FOXK1: variants seen among roughly 807,000 people sequenced by gnomAD.
FOXK1 encodes the protein forkhead box protein K1.
In FOXK1, 19 loss-of-function variants were observed where a neutral mutation model predicts 51.9. The ratio of observed to expected loss-of-function variants is 0.37; its 90% confidence interval spans 0.26 to 0.54. The LOEUF is 0.54. FOXK1 is among the 20% of genes least tolerant of loss of function. The pLI, the probability that FOXK1 is intolerant of heterozygous loss-of-function variation, is 0.87. For missense variants in FOXK1, 870 were observed against 1,032.7 expected (o/e 0.84, Z 2.16); for synonymous variants, 537 against 482.6 (o/e 1.11, Z -1.48).
intron 1 of FOXK1, among the ~76,000 whole-genome samples, chr7:4,739,482 A>G (rs1780603065): frequency 6.6e-6 from 1 of 152,244 alleles, no homozygotes; most frequent in African/African-American, 2.4e-5. Flanking sequence ...TCATCAGTTT[A>G]GAAATTGAAA....
intron 1 of FOXK1, among the ~76,000 whole-genome samples, chr7:4,696,928 C>T (rs894065887): frequency 1.3e-5 from 2 of 152,118 alleles, no homozygotes; most frequent in Non-Finnish European, 2.9e-5. Context: ...ATTAGCCAGG[C>T]ATGGTGGTGT....
intron 2 of FOXK1, among the ~76,000 whole-genome samples, chr7:4,746,477 C>A (rs1474659632): frequency 6.6e-6 from 1 of 151,602 alleles, no homozygotes; most frequent in Admixed American, 6.6e-5. Flanking sequence ...GCCAGGAGTT[C>A]CAGACAAGCC....
rs982260327 is a variant in FOXK1 at position 4,703,409 on chromosome 7, A to G, written c.560+20541A>G. 2.0e-5 allele frequency among the ~76,000 whole-genome samples: 3 copies of G among 152,156 alleles called. No individual in the cohort carries two copies. The highest frequency in any genetic ancestry group is 7.2e-5 in the African/African-American group (3 of 41,430). ...ACTCGCTGAAGTTCGTGGCCCCAAGACATGCGGAGAACCCGCGTCTGCAGG... is the reference window on the plus strand; with the variant it reads ...ACTCGCTGAAGTTCGTGGCCCCAAGGCATGCGGAGAACCCGCGTCTGCAGG... On this transcript the variant is annotated intron_variant, in intron 1 of 8. Coordinates refer to ENST00000328914, the MANE Select transcript of FOXK1 (RefSeq NM_001037165.2). This position sits in a 1 kb window ranked among gnomAD's most constrained non-coding sequence, Gnocchi z 5.6.
At chr7:4,702,873 G>T (rs1780037773) in intron 1 of FOXK1, among the ~76,000 whole-genome samples, 1 of 152,158 alleles carries the variant, frequency 6.6e-6, no homozygotes. Flanking sequence ...CTGACCAGAG[G>T]GGATGGAAGC....
At chr7:4,754,944 T>C in intron 3 of FOXK1, 2 of 558,040 alleles carry the variant, frequency 3.6e-6, no homozygotes, top group Non-Finnish European at 6.4e-6. Context: ...CCTTATAACT[T>C]TGTCTTAGTT....
At chr7:4,705,991 T>TATATAC (rs1780090817) in intron 1 of FOXK1, among the ~76,000 whole-genome samples, 2 of 100,530 alleles carry the variant, frequency 2.0e-5, no homozygotes, top group African/African-American at 1.5e-4. Flanking sequence ...TACGTATATA[T>TATATAC]ACGTATATAT....
At chr7:4,696,823 T>G (rs1478161206) in intron 1 of FOXK1, among the ~76,000 whole-genome samples, 1 of 152,140 alleles carries the variant, frequency 6.6e-6, no homozygotes, top group African/African-American at 2.4e-5. Flanking sequence ...ATCCTAACAC[T>G]TTGGGAGGCT....
chr7:4,754,537 C>G lies in FOXK1; in HGVS notation c.825C>G (p.Asp275Glu), dbSNP rs781575882. The change falls in exon 3 of 9, where the codon GAC becomes GAG. Residue 275 changes from aspartate (D) to glutamate (E), a missense_variant. Asp to Glu is a conservative substitution (Grantham distance 45). Around this residue, in one of 3 missense-constraint regions of FOXK1, gnomAD observed 399 missense variants for 475.6 expected, o/e 0.84. Transcript: ENST00000328914. ...SYRFVQNVTS[D>E]LQLAAEFAAK... ...GCTTTGTGCAGAACGTGACCTCGGA[C>G]CTGCAGCTGGCAGCAGAGTTTGCAG... is the stretch of plus-strand genomic sequence containing the variant. The G allele has an allele frequency of 3.2e-5, 52 of 1,611,950 alleles. No individual in the cohort carries two copies. The highest frequency in any genetic ancestry group is 3.8e-5 in the Non-Finnish European group (45 of 1,180,040).
intron 2 of FOXK1, among the ~76,000 whole-genome samples, chr7:4,750,908 C>T (rs763430507): frequency 2.0e-5 from 3 of 151,774 alleles, no homozygotes; most frequent in African/African-American, 2.4e-5. Flanking sequence ...TTCTCTAAAT[C>T]GGGCAGGCTG....
At position 4,753,456 on chromosome 7, in the gene FOXK1, C is replaced by T. The variant is rs1780804370; in HGVS notation, c.747-1003C>T. ...GGATGGTTCTGGGTGGCCTGCAGGGCAGTGCAGCAGGGAGCATCCTACCCG... is the reference window on the plus strand; with the variant it reads ...GGATGGTTCTGGGTGGCCTGCAGGGTAGTGCAGCAGGGAGCATCCTACCCG... On this transcript the variant is annotated intron_variant, in intron 2 of 8. Coordinates refer to ENST00000328914, the MANE Select transcript of FOXK1 (RefSeq NM_001037165.2). This position sits in a 1 kb window ranked among gnomAD's most constrained non-coding sequence, Gnocchi z 4.9. 6.6e-6 allele frequency among the ~76,000 whole-genome samples: 1 copy of T among 151,946 alleles called. No homozygotes were observed. The highest frequency in any genetic ancestry group is 1.5e-5 in the Non-Finnish European group (1 of 67,974).
At position 4,748,996 on chromosome 7, in the gene FOXK1, C is replaced by T. The variant is rs1425452577; in HGVS notation, c.747-5463C>T. On this transcript the variant is annotated intron_variant, in intron 2 of 8. Coordinates refer to ENST00000328914, the MANE Select transcript of FOXK1 (RefSeq NM_001037165.2). This position sits in a 1 kb window ranked among gnomAD's most constrained non-coding sequence, Gnocchi z 4.9. The stretch of plus-strand genomic sequence containing the variant: ...GCCTGGACCCCCAGGTTCCTGTCCA[C>T]GCTTCTGGGACTGGCTGTGCCTGGC... Among the ~76,000 whole-genome samples the T allele has an allele frequency of 6.6e-6, 1 of 152,212 alleles. No individual in the cohort carries two copies. The highest frequency in any genetic ancestry group is 2.4e-5 in the African/African-American group (1 of 41,472).
chr7:4,743,549 C>T lies in FOXK1; in HGVS notation c.746+2526C>T, dbSNP rs1363873898. On this transcript the variant is annotated intron_variant, in intron 2 of 8. Coordinates refer to ENST00000328914, the MANE Select transcript of FOXK1 (RefSeq NM_001037165.2). The surrounding 1 kb of genome is among the most constrained non-coding windows in gnomAD (Gnocchi z 5.3). ...CGGGCGATAGAGCGAGACTCCATTT[C>T]TCAGTAAATAAATAAATGGTGAATT... Among the ~76,000 whole-genome samples the T allele has an allele frequency of 6.6e-6, 1 of 152,196 alleles. No individual in the cohort carries two copies. Among genetic ancestry groups the T allele is most frequent in the Non-Finnish European group, 1.5e-5 (1 of 68,042 alleles).
chr7:4,751,359 G>C (rs756802954), intron 2 of FOXK1, among the ~76,000 whole-genome samples: 1 of 152,052 alleles, frequency 6.6e-6, no homozygotes, highest in African/African-American at 2.4e-5. Context: ...ATTTTCTTTA[G>C]ATTGCTAAGG....
In FOXK1 at chr7:4,755,614, C is replaced by T. The variant is rs1416706492; in HGVS notation, c.1050+231C>T. Among the ~76,000 whole-genome samples, 2 of 152,076 alleles carry T rather than the reference C, an allele frequency of 1.3e-5. No homozygotes were observed. ...GAGTGTGGTGGTGCACACCTGTGGT[C>T]GCAGCTACTCGGAGGCTGAGGTGGG... On this transcript the variant is annotated intron_variant, in intron 4 of 8. Transcript: ENST00000328914. The surrounding 1 kb of genome is among the most constrained non-coding windows in gnomAD (Gnocchi z 6.6).
rs57720832 is a variant in FOXK1, at chr7:4,723,390, G to T, written c.561-17448G>T. On this transcript the variant is annotated intron_variant, in intron 1 of 8. Transcript: ENST00000328914. The surrounding 1 kb of genome is among the most constrained non-coding windows in gnomAD (Gnocchi z 4.7). ...CAAAGCTGTTTTTGTTTTCTGTGGG[G>T]TTTTTTTTTTGGACGTTCCCAGCTG... Among the ~76,000 whole-genome samples, 345 of 148,052 alleles carry T rather than the reference G, an allele frequency of 2.3e-3. 3 individuals are homozygous for T. The highest frequency in any genetic ancestry group is 7.0e-3 in the Middle Eastern group (2 of 284).
chr7:4,697,184 C>A (rs150724264), intron 1 of FOXK1, among the ~76,000 whole-genome samples: 1 of 152,180 alleles, frequency 6.6e-6, no homozygotes, highest in Admixed American at 6.5e-5. Flanking sequence ...CTGTCTGCAT[C>A]TGGAGGAAAA....
At chr7:4,688,526 GCT>G (rs1779849610) in intron 1 of FOXK1, among the ~76,000 whole-genome samples, 1 of 151,966 alleles carries the variant, frequency 6.6e-6, no homozygotes, top group African/African-American at 2.4e-5. Flanking sequence ...CTCCCAAGTA[GCT>G]GGGATTACAG....
chr7:4,690,002 G>T (rs539708534), intron 1 of FOXK1, among the ~76,000 whole-genome samples: 2 of 152,322 alleles, frequency 1.3e-5, no homozygotes, highest in East Asian at 3.9e-4. Context: ...AAACTCAGGT[G>T]GTGCTGTCTC....
Position 4,744,079 on chromosome 7 carries a change from G to T in FOXK1, c.746+3056G>T, listed in dbSNP as rs192120143. Reference sequence around the variant, plus strand: ...TTTTTAGTAGAGATGGGGTTTCACCGTATTGAAAGAAAGAAAAATGTTTTG... The same window carrying T: ...TTTTTAGTAGAGATGGGGTTTCACCTTATTGAAAGAAAGAAAAATGTTTTG... On this transcript the variant is annotated intron_variant, in intron 2 of 8. Transcript: ENST00000328914. Among the ~76,000 whole-genome samples the T allele has an allele frequency of 3.1e-3, 468 of 152,020 alleles. 1 individual carries two copies. Among genetic ancestry groups the T allele is most frequent in the African/African-American group, 0.011 (441 of 41,448 alleles).
Sources: allele counts gnomAD v4.1 joint callset (sites outside exome capture counted in the v4.1 genomes callset), GRCh38; gene constraint gnomAD v4.1.1; regional missense constraint gnomAD v4.1.1; non-coding constraint Gnocchi (gnomAD v3.1); transcripts MANE v1.5; gene names NCBI Gene and HGNC (gene_info 2026-07-23, HGNC 2026-07-21).